Variants in NCOR1 observed in about 807,000 individuals in gnomAD.
NCOR1 encodes nuclear receptor corepressor 1.
In NCOR1, 63 loss-of-function variants were observed where a neutral mutation model predicts 288.1. The ratio of observed to expected loss-of-function variants is 0.22; its 90% CI spans 0.18 to 0.27. The LOEUF (loss-of-function observed/expected upper bound fraction) is 0.27, where lower values mean the gene tolerates loss of function less well. NCOR1 is among the 10% of genes least tolerant of loss of function. The pLI is 1.00. For missense variants in NCOR1, 2,397 were observed against 3,019.2 expected (o/e 0.79, Z 4.83); for synonymous variants, 1,007 against 1,065.9 (o/e 0.94, Z 1.08).
At chr17:16,063,925 C>T (rs750144060) in intron 35 of NCOR1, 143 bp downstream of exon 35, 4 of 1,103,426 alleles carry the variant, frequency 3.6e-6, no homozygotes, top group Non-Finnish European at 5.0e-6. Context: ...ACAGCACTTT[C>T]ACCTGTTTTT....
intron 1 of NCOR1, among the ~76,000 whole-genome samples, chr17:16,200,437 T>C (rs1457451253): frequency 7.3e-6 from 1 of 136,198 alleles, no homozygotes; most frequent in African/African-American, 2.8e-5. Flanking sequence ...GCGGAGGTTG[T>C]AGTGAGCTGG....
At chr17:16,088,669 C>T (rs1384585708) in intron 22 of NCOR1, among the ~76,000 whole-genome samples, 1 of 152,136 alleles carries the variant, frequency 6.6e-6, no homozygotes, top group African/African-American at 2.4e-5. Flanking sequence ...AGGCAGTGTG[C>T]ATTACATACA....
Position 16,065,609 on chromosome 17 carries a change from T to C in NCOR1, c.4827A>G (p.Thr1609=). The C allele has an allele frequency of 6.2e-7, 1 of 1,614,230 alleles. No individual in the cohort carries two copies. Among genetic ancestry groups the C allele is most frequent in the Non-Finnish European group, 8.5e-7 (1 of 1,180,050 alleles). Reference sequence around the variant, plus strand: ...TGTAATCATTTAAGATTGTCTGTCTTGTGTTCTCCATTGCGTAAAGCTGAT... The same window carrying C: ...TGTAATCATTTAAGATTGTCTGTCTCGTGTTCTCCATTGCGTAAAGCTGAT... ...SQYQLYAMEN[T]RQTILNDYIT... is the part of the protein sequence containing the mutation. The change falls in exon 33 of 46, where the codon ACA becomes ACG. Residue 1609 remains threonine (T), a synonymous_variant. Coordinates refer to ENST00000268712, the MANE Select transcript of NCOR1 (RefSeq NM_006311.4).
intron 6 of NCOR1, among the ~76,000 whole-genome samples, chr17:16,156,467 G>GA (rs10672061): frequency 0.048 from 5,795 of 120,892 alleles, 129 homozygotes; most frequent in East Asian, 0.087. Flanking sequence ...GAAGGAAAGC[G>GA]AAAAAAAAAA....
chr17:16,072,470 C>T (rs1468007858), intron 28 of NCOR1, among the ~76,000 whole-genome samples: 4 of 152,052 alleles, frequency 2.6e-5, no homozygotes, highest in African/African-American at 9.7e-5. Flanking sequence ...AGGAAAGATA[C>T]CTTCAAAGTT....
intron 21 of NCOR1, among the ~76,000 whole-genome samples, chr17:16,096,378 GATT>G (rs2066623094): frequency 6.6e-6 from 1 of 152,148 alleles, no homozygotes; most frequent in African/African-American, 2.4e-5. Context: ...AAATTTTACA[GATT>G]ATTAAGGTAA....
At chr17:16,133,562 T>C (rs2075973477) in intron 14 of NCOR1, among the ~76,000 whole-genome samples, 1 of 152,218 alleles carries the variant, frequency 6.6e-6, no homozygotes, top group African/African-American at 2.4e-5. Flanking sequence ...TTTGAAAATC[T>C]TAACCTTGCA....
At chr17:16,135,063 G>A (rs2076191635) in intron 14 of NCOR1, among the ~76,000 whole-genome samples, 1 of 150,686 alleles carries the variant, frequency 6.6e-6, no homozygotes, top group Non-Finnish European at 1.5e-5. Context: ...GGAGGCTGGG[G>A]CAGCAGAATG....
Position 16,057,966 on chromosome 17 carries a change from C to CT in NCOR1, c.6108dup (p.Glu2037ArgfsTer17). ...GTCCTGGGCACTTGCCCCATTCCCT[C>CT]TGCCTGTGAAGAAGGGGGCAGCTGT... On this transcript the variant is annotated frameshift_variant, in exon 39 of 46. Coordinates refer to ENST00000268712, the MANE Select transcript of NCOR1 (RefSeq NM_006311.4). LOFTEE classifies it high-confidence loss of function. 1 of 1,614,158 alleles carries CT rather than the reference C, an allele frequency of 6.2e-7. No individual in the cohort carries two copies. The highest frequency in any genetic ancestry group is 8.5e-7 in the Non-Finnish European group (1 of 1,180,002).
rs2152725664 is a variant in NCOR1 at position 16,070,426 on chromosome 17, G to A, written c.4252C>T (p.Pro1418Ser). The A allele has an allele frequency of 6.2e-7, 1 of 1,614,202 alleles. No homozygotes were observed. The change falls in exon 31 of 46, where the codon CCT (proline) becomes TCT (serine). Residue 1418 changes from proline to serine, a missense_variant. Transcript: ENST00000268712. ...TGPSKLSRGM[P>S]PLEIVPENIK... is the part of the protein sequence containing the mutation. ...TTCTCTGGCACAATTTCCAGCGGAG[G>A]CATTCCACGGGATAGTTTGCTAGGC...
intron 12 of NCOR1, among the ~76,000 whole-genome samples, 188 bp downstream of exon 12, chr17:16,138,820 T>C (rs906755521): frequency 6.6e-6 from 1 of 152,214 alleles, no homozygotes; most frequent in African/African-American, 2.4e-5. Context: ...CCAGTTCTTA[T>C]CTGTTACCTC....
At chr17:16,163,105 C>T (rs1274970572) in intron 5 of NCOR1, among the ~76,000 whole-genome samples, 1 of 151,844 alleles carries the variant, frequency 6.6e-6, no homozygotes, top group African/African-American at 2.4e-5. Context: ...AATCTGTGAC[C>T]GCGAATTAGG....
intron 6 of NCOR1, among the ~76,000 whole-genome samples, chr17:16,158,099 G>A (rs1008037590): frequency 5.9e-5 from 9 of 151,684 alleles, no homozygotes; most frequent in South Asian, 2.1e-4. Flanking sequence ...TCAGCCTCTC[G>A]AGTAGCTGGG....
In NCOR1 at chr17:16,179,632, C is replaced by T. The variant is rs115513491; in HGVS notation, c.242+6922G>A. Among the ~76,000 whole-genome samples, 817 of 152,308 alleles carry T rather than the reference C, an allele frequency of 5.4e-3. 6 individuals are homozygous for T. Among genetic ancestry groups the T allele is most frequent in the African/African-American group, 0.019 (774 of 41,570 alleles). ...AACACATTATATGAGAGAAACTTAA[C>T]TCAAAGGCATTTAAGTTGATATCTA... On this transcript the variant is annotated intron_variant, in intron 3 of 45. Coordinates refer to ENST00000268712, the MANE Select transcript of NCOR1 (RefSeq NM_006311.4).
At chr17:16,094,710 G>A (rs1178228235) in intron 21 of NCOR1, among the ~76,000 whole-genome samples, 8 of 152,304 alleles carry the variant, frequency 5.3e-5, no homozygotes, top group Admixed American at 4.6e-4. Flanking sequence ...GATTGCAGGC[G>A]CGCGCCGCCA....
intron 21 of NCOR1, among the ~76,000 whole-genome samples, chr17:16,097,903 C>G (rs2066924897): frequency 6.6e-6 from 1 of 152,096 alleles, no homozygotes. Context: ...ATGATTACGC[C>G]AGGTAGTTGG....
intron 3 of NCOR1, among the ~76,000 whole-genome samples, chr17:16,175,017 GATAA>G (rs1051302564): frequency 2.3e-4 from 34 of 150,118 alleles, no homozygotes; most frequent in African/African-American, 8.4e-4. Flanking sequence ...GATAAAAATA[GATAA>G]ATAAACTGTG....
chr17:16,074,899 G>T (rs1056897269), intron 27 of NCOR1, among the ~76,000 whole-genome samples: 1 of 152,000 alleles, frequency 6.6e-6, no homozygotes, highest in Admixed American at 6.6e-5. Flanking sequence ...ACAGACTCTC[G>T]CTCTGTCGCC....
At chr17:16,084,875 A>G (rs1487088445) in intron 23 of NCOR1, among the ~76,000 whole-genome samples, 1 of 152,220 alleles carries the variant, frequency 6.6e-6, no homozygotes, top group Non-Finnish European at 1.5e-5. Flanking sequence ...ACACAGGCGA[A>G]TATCTCACAA....
Sources: gnomAD v4.1 joint callset for allele counts (sites outside exome capture counted in the v4.1 genomes callset) on GRCh38, gnomAD v4.1.1 for gene constraint, MANE v1.5 for transcripts, NCBI Gene and HGNC (gene_info 2026-07-23, HGNC 2026-07-21) for gene names.